MATN2: variants seen among roughly 807,000 people sequenced by gnomAD.
MATN2 encodes the protein matrilin 2.
Under a neutral mutation model 103.2 loss-of-function variants are expected in MATN2, and 69 were observed. The ratio of observed to expected loss-of-function variants is 0.67; its 90% CI spans 0.55 to 0.82. The LOEUF (loss-of-function observed/expected upper bound fraction) is 0.82, where lower values mean the gene tolerates loss of function less well. MATN2 is among the 40% of genes least tolerant of loss of function. MATN2 has a pLI of 0.00. For missense variants in MATN2, 1,023 were observed against 1,211.5 expected (o/e 0.84, Z 2.31); for synonymous variants, 429 against 450.2 (o/e 0.95, Z 0.60).
intron 3 of MATN2, among the ~76,000 whole-genome samples, chr8:97,936,574 T>C (rs1810373822): frequency 6.6e-6 from 1 of 152,282 alleles, no homozygotes; most frequent in South Asian, 2.1e-4. Context: ...TAGTCATTCA[T>C]ACAATCATTA....
In MATN2 at chr8:97,944,280, G is replaced by A. The variant is rs536284063; in HGVS notation, c.835+2381G>A. Among the ~76,000 whole-genome samples, 197 of 152,324 alleles carry A rather than the reference G, an allele frequency of 1.3e-3. 1 individual carries two copies. Among genetic ancestry groups the A allele is most frequent in the African/African-American group, 4.5e-3 (186 of 41,566 alleles). On this transcript the variant is annotated intron_variant, in intron 4 of 18. Coordinates refer to ENST00000254898, the MANE Select transcript of MATN2 (RefSeq NM_002380.5). ...GACTGCCACACTTTGAGATTCACTGGCCTCAGGCAGTGAGGGGTCCCAGGG... is the reference window on the plus strand; with the variant it reads ...GACTGCCACACTTTGAGATTCACTGACCTCAGGCAGTGAGGGGTCCCAGGG...
chr8:97,902,531 A>G (rs1819024323), intron 2 of MATN2, among the ~76,000 whole-genome samples: 1 of 151,712 alleles, frequency 6.6e-6, no homozygotes, highest in African/African-American at 2.4e-5. Flanking sequence ...AAAGACAAAG[A>G]AAAAAAGCAA....
chr8:97,999,189 G>A (rs1054870376), intron 7 of MATN2, among the ~76,000 whole-genome samples: 13 of 152,128 alleles, frequency 8.5e-5, no homozygotes, highest in Non-Finnish European at 1.8e-4. Flanking sequence ...CCTTTTTAAG[G>A]CTGAATAATA....
chr8:97,947,607 TA>T (rs545412936), intron 4 of MATN2, among the ~76,000 whole-genome samples: 5 of 152,124 alleles, frequency 3.3e-5, no homozygotes, highest in South Asian at 2.1e-4. Context: ...GAGATTAATT[TA>T]AAAAAAACCT....
rs556971763 is a variant in MATN2, at chr8:98,036,598, G to T, written c.*886G>T. ...AGGCTTTGTAAAAGCAAAAAATAAGGAACAACTTAAACATCATCAGAAGGG... is the reference window on the plus strand; with the variant it reads ...AGGCTTTGTAAAAGCAAAAAATAAGTAACAACTTAAACATCATCAGAAGGG... On this transcript the variant is annotated 3_prime_UTR_variant, in exon 19 of 19. Transcript: ENST00000254898. The T allele has an allele frequency of 3.4e-4, 52 of 152,200 alleles. No homozygotes were observed. Among genetic ancestry groups the T allele is most frequent in the African/African-American group, 1.2e-3 (49 of 41,510 alleles). The allele number at this position is 152,200 out of a possible 1,614,324, so 9.4% of individuals were successfully genotyped here.
chr8:97,943,512 C>T (rs533190062), intron 4 of MATN2, among the ~76,000 whole-genome samples: 2 of 151,960 alleles, frequency 1.3e-5, no homozygotes, highest in African/African-American at 2.4e-5. Flanking sequence ...CTTGCTCTGT[C>T]GTCCAGGCTG....
At chr8:97,962,584 C>T (rs939795626) in intron 5 of MATN2, among the ~76,000 whole-genome samples, 2 of 152,176 alleles carry the variant, frequency 1.3e-5, no homozygotes, top group Non-Finnish European at 2.9e-5. Flanking sequence ...GCCACAAATG[C>T]AGCTGGTCTC....
Position 97,982,675 on chromosome 8 carries a change from A to G in MATN2, c.1081+3667A>G, listed in dbSNP as rs1326896735. 6.6e-6 allele frequency among the ~76,000 whole-genome samples: 1 copy of G among 152,224 alleles called. No homozygotes were observed. The highest frequency in any genetic ancestry group is 2.4e-5 in the African/African-American group (1 of 41,454). On this transcript the variant is annotated intron_variant, in intron 6 of 18. Coordinates refer to ENST00000254898, the MANE Select transcript of MATN2 (RefSeq NM_002380.5). The surrounding 1 kb of genome is among the most constrained non-coding windows in gnomAD (Gnocchi z 4.3). ...ACCAGTACTATAATTTGAAATATGT[A>G]AGTGGTGTTCAAAAAAGCACCACCT...
chr8:98,024,417 A>C (rs1016648902), intron 13 of MATN2, among the ~76,000 whole-genome samples: 3 of 152,194 alleles, frequency 2.0e-5, no homozygotes, highest in Non-Finnish European at 4.4e-5. Flanking sequence ...AGACAGGAGA[A>C]TCACTTGAAC....
At chr8:97,945,736 A>ATT (rs1810734965) in intron 4 of MATN2, among the ~76,000 whole-genome samples, 1 of 143,290 alleles carries the variant, frequency 7.0e-6, no homozygotes, top group Non-Finnish European at 1.5e-5. Context: ...ATATATATAT[A>ATT]ATCTCCCCAC....
chr8:97,892,235 C>CAA (rs568746138), intron 2 of MATN2, among the ~76,000 whole-genome samples: 6 of 107,656 alleles, frequency 5.6e-5, no homozygotes, highest in African/African-American at 1.0e-4. Context: ...GAAACTGTCT[C>CAA]AAAAAAAAAA....
chr8:98,032,290 C>G lies in MATN2; in HGVS notation c.2554C>G (p.Leu852Val). 1 of 1,611,898 alleles carries G rather than the reference C, an allele frequency of 6.2e-7. No individual in the cohort carries two copies. The highest frequency in any genetic ancestry group is 8.5e-7 in the Non-Finnish European group (1 of 1,178,928). Residue 852 changes from leucine (L) to valine (V), a missense_variant, in exon 16 of 19, where the codon CTG becomes GTG. Transcript: ENST00000254898. ...DGRQDSPAGELPKTVQQPTES... is the reference protein window; with the variant it reads ...DGRQDSPAGEVPKTVQQPTES... The stretch of plus-strand genomic sequence containing the variant: ...AAGACAGGACTCTCCAGCAGGGGAA[C>G]TGCCAAAAACGGTCCAACAGCCAAC...
intron 2 of MATN2, among the ~76,000 whole-genome samples, chr8:97,907,738 C>A (rs1819227406): frequency 6.6e-6 from 1 of 152,170 alleles, no homozygotes; most frequent in Admixed American, 6.5e-5. Context: ...AATAATGATA[C>A]CTCCCTCATA....
chr8:97,940,655 A>C (rs1442333446), intron 3 of MATN2, among the ~76,000 whole-genome samples: 1 of 152,242 alleles, frequency 6.6e-6, no homozygotes, highest in Non-Finnish European at 1.5e-5. Context: ...TTAGCTTCAT[A>C]AAAATATATT....
intron 3 of MATN2, among the ~76,000 whole-genome samples, chr8:97,937,255 G>A (rs2130167026): frequency 6.6e-6 from 1 of 152,228 alleles, no homozygotes; most frequent in Admixed American, 6.5e-5. Context: ...TGAGAAGGAA[G>A]GGCAGTTTCT....
chr8:97,995,550 T>C (rs1035477037), intron 7 of MATN2, among the ~76,000 whole-genome samples: 1 of 152,200 alleles, frequency 6.6e-6, no homozygotes, highest in African/African-American at 2.4e-5. Flanking sequence ...GGAGCTTCCA[T>C]TGAGGGATGT....
chr8:97,916,324 T>C (rs1398527511), intron 2 of MATN2, among the ~76,000 whole-genome samples: 4 of 152,034 alleles, frequency 2.6e-5, no homozygotes, highest in Admixed American at 1.3e-4. Flanking sequence ...CCCACCTTGG[T>C]CTCCCAAAGT....
rs187234767 is a variant in MATN2 at position 97,961,158 on chromosome 8, A to T, written c.836-250A>T. Among the ~76,000 whole-genome samples the T allele has an allele frequency of 9.8e-5, 15 of 152,336 alleles. No individual in the cohort carries two copies. In the East Asian group the frequency reaches 2.9e-3, roughly 29 times the overall value. Reference sequence around the variant, plus strand: ...CATGCAGAAACTCACCTGGAAAGAAAACTCACCAAAATGTTAACAGTGGTT... The same window carrying T: ...CATGCAGAAACTCACCTGGAAAGAATACTCACCAAAATGTTAACAGTGGTT... On this transcript the variant is annotated intron_variant, in intron 4 of 18. Coordinates refer to ENST00000254898, the MANE Select transcript of MATN2 (RefSeq NM_002380.5).
chr8:98,001,028 A>T (rs16896534), intron 7 of MATN2, among the ~76,000 whole-genome samples: 6,829 of 152,292 alleles, frequency 0.045, 500 homozygotes, highest in African/African-American at 0.15. Context: ...GTGATGTGTC[A>T]TATCTTTAAG....
Sources: allele counts gnomAD v4.1 joint callset (sites outside exome capture counted in the v4.1 genomes callset), GRCh38; gene constraint gnomAD v4.1.1; non-coding constraint Gnocchi (gnomAD v3.1); transcripts MANE v1.5; gene names NCBI Gene and HGNC (gene_info 2026-07-23, HGNC 2026-07-21).